NELL1: variants seen among roughly 807,000 people sequenced by gnomAD.
The protein encoded by NELL1 is neural EGFL like 1.
A neutral mutation model predicts 107.4 loss-of-function variants in NELL1; 76 were observed. The ratio of observed to expected loss-of-function variants is 0.71; its 90% CI spans 0.59 to 0.86. The LOEUF (loss-of-function observed/expected upper bound fraction) is 0.86. Ranked by LOEUF, NELL1 falls within the 40% of genes least tolerant of loss-of-function variation. The probability of loss-of-function intolerance (pLI) is 0.00; values close to 1 mark genes in which losing one functional copy is unlikely to be tolerated. For missense variants in NELL1, 1,024 were observed against 1,005.5 expected, an observed-to-expected ratio of 1.02 and a Z score of -0.25; for synonymous variants, 353 against 341.2, an observed-to-expected ratio of 1.03 and a Z score of -0.38.
At chr11:21,145,781 G>T (rs959114208) in intron 13 of NELL1, among the ~76,000 whole-genome samples, 2 of 152,162 alleles carry the variant, frequency 1.3e-5, no homozygotes, top group African/African-American at 4.8e-5. Context: ...TATCAGGGTC[G>T]TGGGCCAGAA....
chr11:20,791,405 T>A (rs920990598), intron 3 of NELL1, among the ~76,000 whole-genome samples: 1 of 152,232 alleles, frequency 6.6e-6, no homozygotes, highest in East Asian at 1.9e-4. Flanking sequence ...AGGAAATTAA[T>A]TTTTGCCTAT....
chr11:21,537,502 C>T (rs1319426968), intron 16 of NELL1, among the ~76,000 whole-genome samples: 1 of 152,140 alleles, frequency 6.6e-6, no homozygotes, highest in Non-Finnish European at 1.5e-5. Context: ...AGGTCTCAGA[C>T]AAATGTTGCT....
chr11:20,961,355 C>T (rs560845192), intron 12 of NELL1, among the ~76,000 whole-genome samples: 98 of 152,262 alleles, frequency 6.4e-4, no homozygotes, highest in African/African-American at 2.3e-3. Flanking sequence ...TCATGGCTCC[C>T]TTCCATCAGT....
intron 3 of NELL1, among the ~76,000 whole-genome samples, chr11:20,792,933 GA>G (rs566236379): frequency 1.0e-3 from 155 of 151,920 alleles, no homozygotes; most frequent in African/African-American, 3.7e-3. Context: ...AAGGCTTTTT[GA>G]ATTTTTTATG....
chr11:20,821,304 C>A (rs1412031362), intron 3 of NELL1, among the ~76,000 whole-genome samples: 1 of 152,138 alleles, frequency 6.6e-6, no homozygotes, highest in Non-Finnish European at 1.5e-5. Flanking sequence ...AATTACTATC[C>A]AGCTTAATTT....
chr11:21,119,573 T>C (rs796117567), intron 13 of NELL1, among the ~76,000 whole-genome samples: 3 of 152,182 alleles, frequency 2.0e-5, no homozygotes, highest in African/African-American at 7.2e-5. Flanking sequence ...AAGTCTCCCT[T>C]GGCCTTTGAA....
At chr11:21,363,626 C>A (rs375189253) in intron 14 of NELL1, among the ~76,000 whole-genome samples, 23 of 152,148 alleles carry the variant, frequency 1.5e-4, no homozygotes, top group African/African-American at 5.3e-4. Context: ...GCCATCTTCC[C>A]CAGAATCTCT....
intron 15 of NELL1, among the ~76,000 whole-genome samples, chr11:21,398,298 G>C (rs1852024159): frequency 6.6e-6 from 1 of 151,546 alleles, no homozygotes; most frequent in Admixed American, 6.6e-5. Context: ...TGTCCCCTGA[G>C]GCTCTCTGTA....
At chr11:20,804,094 C>T (rs1427276772) in intron 3 of NELL1, among the ~76,000 whole-genome samples, 1 of 151,898 alleles carries the variant, frequency 6.6e-6, no homozygotes, top group Non-Finnish European at 1.5e-5. Context: ...TAGTTCTGCC[C>T]CTCTAGAGAA....
At chr11:20,863,478 G>T (rs1284331234) in intron 4 of NELL1, among the ~76,000 whole-genome samples, 1 of 145,314 alleles carries the variant, frequency 6.9e-6, no homozygotes, top group Non-Finnish European at 1.5e-5. Flanking sequence ...CGGGGCGGCC[G>T]GGCAGAGACG....
intron 16 of NELL1, among the ~76,000 whole-genome samples, chr11:21,554,622 C>T (rs917122811): frequency 4.6e-5 from 7 of 151,740 alleles, no homozygotes; most frequent in African/African-American, 1.7e-4. Flanking sequence ...ACAATAGGAA[C>T]AAGACCAACA....
At chr11:20,864,414 A>T (rs1471234460) in intron 4 of NELL1, among the ~76,000 whole-genome samples, 1 of 152,184 alleles carries the variant, frequency 6.6e-6, no homozygotes, top group African/African-American at 2.4e-5. Flanking sequence ...ACTTACTCCT[A>T]CAGTCTAACT....
At position 20,885,473 on chromosome 11, in the gene NELL1, A is replaced by T; in HGVS notation, c.536A>T (p.Asp179Val). 1.2e-6 allele frequency: 2 copies of T among 1,613,400 alleles called. No homozygotes were observed. The highest frequency in any genetic ancestry group is 2.2e-5 in the East Asian group (1 of 44,880). The change falls in exon 5 of 20, where the codon GAT becomes GTT. Residue 179 changes from aspartate to valine, a missense_variant. Transcript: ENST00000357134. ...RIYERVIDPP[D>V]TNLPPGINLW... is the part of the protein sequence containing the mutation. ...TATGAGCGTGTGATAGACCCTCCAG[A>T]TACCAACCTTCCCCCAGGAATCAAT...
chr11:21,068,749 G>C (rs891683263), intron 12 of NELL1, among the ~76,000 whole-genome samples: 2 of 152,186 alleles, frequency 1.3e-5, no homozygotes, highest in African/African-American at 2.4e-5. Context: ...TAGCTGTGCA[G>C]TGTGGCTAGA....
intron 14 of NELL1, among the ~76,000 whole-genome samples, chr11:21,233,223 A>G (rs1311255552): frequency 6.6e-6 from 1 of 152,228 alleles, no homozygotes; most frequent in Non-Finnish European, 1.5e-5. Context: ...AGTATGTGCA[A>G]GACACCTTGA....
chr11:21,060,783 C>A (rs1013207284), intron 12 of NELL1, among the ~76,000 whole-genome samples: 14 of 152,304 alleles, frequency 9.2e-5, no homozygotes, highest in Admixed American at 8.5e-4. Context: ...CTCACTGCAA[C>A]CTTCGCCTCC....
intron 1 of NELL1, among the ~76,000 whole-genome samples, chr11:20,677,203 C>T (rs568870360): frequency 6.6e-6 from 1 of 152,308 alleles, no homozygotes; most frequent in East Asian, 1.9e-4. Flanking sequence ...TGGCCAGTCC[C>T]TCTGCCACCC....
At chr11:21,053,320 T>A (rs1227467601) in intron 12 of NELL1, among the ~76,000 whole-genome samples, 1 of 152,090 alleles carries the variant, frequency 6.6e-6, no homozygotes, top group African/African-American at 2.4e-5. Flanking sequence ...CTTCCCTGTG[T>A]CCATGTGTTT....
At chr11:21,197,320 G>C (rs1023489070) in intron 13 of NELL1, among the ~76,000 whole-genome samples, 3 of 150,864 alleles carry the variant, frequency 2.0e-5, no homozygotes, top group African/African-American at 7.3e-5. Flanking sequence ...TATGTCCAGA[G>C]CTCAGATTTG....
Sources: allele counts gnomAD v4.1 joint callset (sites outside exome capture counted in the v4.1 genomes callset), GRCh38; gene constraint gnomAD v4.1.1; transcripts MANE v1.5; gene names NCBI Gene and HGNC (gene_info 2026-07-23, HGNC 2026-07-21).